TRIP12: variants seen among roughly 807,000 people sequenced by gnomAD.
The protein encoded by TRIP12 is thyroid hormone receptor interactor 12.
TRIP12 carries 25 observed loss-of-function variants against 244.2 expected under a neutral mutation model. The ratio of observed to expected loss-of-function variants is 0.10; its 90% CI spans 0.07 to 0.14. The LOEUF is 0.14. Ranked by LOEUF, TRIP12 falls within the 10% of genes least tolerant of loss-of-function variation. The probability of loss-of-function intolerance (pLI) is 1.00; values close to 1 mark genes in which losing one functional copy is unlikely to be tolerated. For synonymous variants in TRIP12, 905 were observed against 873.1 expected, an observed-to-expected ratio of 1.04 and a Z score of -0.64; for missense variants, 1,677 against 2,486.4, an observed-to-expected ratio of 0.67 and a Z score of 6.92.
intron 8 of TRIP12, among the ~76,000 whole-genome samples, chr2:229,821,837 A>T (rs2050128578): frequency 6.6e-6 from 1 of 152,254 alleles, no homozygotes; most frequent in East Asian, 1.9e-4. Context: ...CGAGTTCTGG[A>T]ACTGTGAAAA....
At position 229,768,358 on chromosome 2, in the gene TRIP12, C is replaced by G. The variant is rs371627503; in HGVS notation, c.6007+258G>C. Reference sequence around the variant, plus strand: ...TAGAATCCATTCTCATCTAAGTCAACTAAGAGTTTAGAATGTACAAATGGC... The same window carrying G: ...TAGAATCCATTCTCATCTAAGTCAAGTAAGAGTTTAGAATGTACAAATGGC... On this transcript the variant is annotated intron_variant, in intron 41 of 41. Transcript: ENST00000675903. Among the ~76,000 whole-genome samples, 7 of 152,348 alleles carry G rather than the reference C, an allele frequency of 4.6e-5. No individual in the cohort carries two copies. In the East Asian group the frequency reaches 7.7e-4, roughly 17 times the overall value.
At chr2:229,917,089 A>G (rs1052970853) in intron 1 of TRIP12, among the ~76,000 whole-genome samples, 1 of 152,158 alleles carries the variant, frequency 6.6e-6, no homozygotes, top group African/African-American at 2.4e-5. Flanking sequence ...GTTAAGAATT[A>G]CCAAGCACTG....
At chr2:229,871,603 C>T (rs1323376922) in intron 2 of TRIP12, among the ~76,000 whole-genome samples, 1 of 152,160 alleles carries the variant, frequency 6.6e-6, no homozygotes, top group Non-Finnish European at 1.5e-5. Context: ...AGGCCCTCAC[C>T]AGGAGCAGAT....
intron 1 of TRIP12, among the ~76,000 whole-genome samples, chr2:229,890,298 T>G (rs2067020210): frequency 2.6e-5 from 4 of 152,106 alleles, no homozygotes; most frequent in African/African-American, 9.7e-5. Context: ...CAGGCTGGTC[T>G]GGAACTCCTG....
intron 1 of TRIP12, among the ~76,000 whole-genome samples, chr2:229,881,975 C>A (rs2064981633): frequency 6.6e-6 from 1 of 152,210 alleles, no homozygotes; most frequent in Admixed American, 6.5e-5. Context: ...GCTGCTCTAG[C>A]ATAACAGCTT....
chr2:229,901,265 T>C (rs551515077), intron 1 of TRIP12, among the ~76,000 whole-genome samples: 5 of 152,118 alleles, frequency 3.3e-5, no homozygotes, highest in African/African-American at 1.2e-4. Context: ...TTCTATTTTG[T>C]TCACAAAATG....
intron 1 of TRIP12, among the ~76,000 whole-genome samples, chr2:229,887,373 G>A (rs1480008293): frequency 1.1e-4 from 17 of 152,214 alleles, no homozygotes; most frequent in Non-Finnish European, 2.4e-4. Flanking sequence ...ATGGAGGAAT[G>A]AGAGAATAAA....
intron 34 of TRIP12, among the ~76,000 whole-genome samples, chr2:229,782,436 T>A (rs1362063874): frequency 6.6e-6 from 1 of 152,108 alleles, no homozygotes; most frequent in African/African-American, 2.4e-5. Flanking sequence ...ACTCAAGACA[T>A]CTTGAGGACA....
Position 229,810,893 on chromosome 2 carries a change from T to C in TRIP12, c.2208A>G (p.Gln736=). The C allele has an allele frequency of 6.2e-7, 1 of 1,613,420 alleles. No individual in the cohort carries two copies. Among genetic ancestry groups the C allele is most frequent in the Non-Finnish European group, 8.5e-7 (1 of 1,179,810 alleles). ...ATTTGCACTTACTTTGTTTCATAAGTTGAACAGCTAAAGTTGGACAGTTGG... is the reference window on the plus strand; with the variant it reads ...ATTTGCACTTACTTTGTTTCATAAGCTGAACAGCTAAAGTTGGACAGTTGG... ...MCSNCPTLAV[Q]LMKQNIAETL... Residue 736 remains glutamine, a synonymous_variant, in exon 15 of 42, where the codon CAA becomes CAG. Transcript: ENST00000675903.
At chr2:229,909,089 C>CAAAAAA (rs11390500) in intron 1 of TRIP12, among the ~76,000 whole-genome samples, 1 of 110,714 alleles carries the variant, frequency 9.0e-6, no homozygotes, top group Non-Finnish European at 1.8e-5. Context: ...GACTCTGTCT[C>CAAAAAA]AAAAAAAAAA....
intron 2 of TRIP12, among the ~76,000 whole-genome samples, chr2:229,871,217 C>T (rs769645643): frequency 6.1e-5 from 9 of 148,420 alleles, no homozygotes; most frequent in African/African-American, 1.8e-4. Flanking sequence ...GGGAGGGGAC[C>T]GGAAAGGAAA....
At chr2:229,781,907 C>T (rs1277088901) in intron 34 of TRIP12, among the ~76,000 whole-genome samples, 1 of 152,054 alleles carries the variant, frequency 6.6e-6, no homozygotes, top group East Asian at 1.9e-4. Flanking sequence ...CAGGTAAGAC[C>T]CATGAAGGAA....
In TRIP12 at chr2:229,789,735, G is replaced by A; in HGVS notation, c.4571C>T (p.Pro1524Leu). 1 of 1,613,990 alleles carries A rather than the reference G, an allele frequency of 6.2e-7. No homozygotes were observed. Among genetic ancestry groups the A allele is most frequent in the Non-Finnish European group, 8.5e-7 (1 of 1,179,962 alleles). ...TGTGGGAATGAGGTAAACTTCTAAA[G>A]GATTTGATACTGATGGGCACACTCC... ...HDGVCPSVSN[P>L]LEVYLIPTPP... Residue 1524 changes from proline to leucine, a missense_variant, in exon 31 of 42, where the codon CCT (proline) becomes CTT (leucine). Coordinates refer to ENST00000675903, the MANE Select transcript of TRIP12 (RefSeq NM_001348323.3).
intron 4 of TRIP12, among the ~76,000 whole-genome samples, chr2:229,852,861 T>A (rs776405609): frequency 6.6e-6 from 1 of 152,208 alleles, no homozygotes; most frequent in Admixed American, 6.5e-5. Flanking sequence ...ATGTATTATA[T>A]CATTTCCTGA....
chr2:229,917,162 C>T (rs1302169698), intron 1 of TRIP12, among the ~76,000 whole-genome samples: 4 of 151,928 alleles, frequency 2.6e-5, no homozygotes, highest in African/African-American at 9.7e-5. Flanking sequence ...GGGTGGATCA[C>T]GAGGTCAGGA....
intron 8 of TRIP12, among the ~76,000 whole-genome samples, chr2:229,820,288 T>C (rs1020139899): frequency 1.3e-5 from 2 of 152,042 alleles, no homozygotes; most frequent in East Asian, 1.9e-4. Context: ...ATGGATCTTA[T>C]ACAGCATAAT....
At chr2:229,793,668 AT>A (rs1364452888) in intron 26 of TRIP12, among the ~76,000 whole-genome samples, 1 of 152,212 alleles carries the variant, frequency 6.6e-6, no homozygotes, top group Non-Finnish European at 1.5e-5. Flanking sequence ...CCTGGTCATG[AT>A]GTTTAATTGC....
At chr2:229,853,052 T>C (rs2058997992) in intron 4 of TRIP12, among the ~76,000 whole-genome samples, 1 of 152,212 alleles carries the variant, frequency 6.6e-6, no homozygotes, top group Non-Finnish European at 1.5e-5. Context: ...ATCTTAAAAA[T>C]ACTGTTGTTC....
chr2:229,818,164 T>A (rs140291449), intron 9 of TRIP12, among the ~76,000 whole-genome samples, 200 bp downstream of exon 9: 108 of 152,306 alleles, frequency 7.1e-4, no homozygotes, highest in African/African-American at 2.5e-3. Context: ...ATCAAAAAAA[T>A]GATTTAGAAA....
Sources: allele counts gnomAD v4.1 joint callset (sites outside exome capture counted in the v4.1 genomes callset), GRCh38; gene constraint gnomAD v4.1.1; transcripts MANE v1.5; gene names NCBI Gene and HGNC (gene_info 2026-07-23, HGNC 2026-07-21).